The following INPP4B variants were observed in gnomAD, a reference collection of about 807,000 sequenced individuals.
INPP4B encodes inositol polyphosphate-4-phosphatase type II B.
Under a neutral mutation model 122.5 loss-of-function variants are expected in INPP4B, and 55 were observed. The observed-to-expected ratio is 0.45, with a 90% CI of 0.36 to 0.56. The LOEUF is 0.56. INPP4B is among the 20% of genes least tolerant of loss of function. The probability of loss-of-function intolerance (pLI) is 0.00; values close to 1 mark genes in which losing one functional copy is unlikely to be tolerated. For synonymous variants in INPP4B, 403 were observed against 388.7 expected (o/e 1.04, Z -0.43); for missense variants, 1,000 against 1,097.7 (o/e 0.91, Z 1.26).
chr4:142,035,464 A>G (rs1460072922), intron 25 of INPP4B, among the ~76,000 whole-genome samples: 2 of 152,152 alleles, frequency 1.3e-5, no homozygotes, highest in Non-Finnish European at 2.9e-5. Flanking sequence ...GATACTATTC[A>G]CCTAGAACCT....
chr4:142,174,909 G>C (rs10027089), intron 15 of INPP4B, among the ~76,000 whole-genome samples: 15,130 of 152,062 alleles, frequency 0.099, 1,104 homozygotes, highest in African/African-American at 0.2. Flanking sequence ...GGGATTACAG[G>C]CTTGAGGATT....
intron 2 of INPP4B, among the ~76,000 whole-genome samples, chr4:142,496,367 C>T (rs1218159412): frequency 1.3e-5 from 2 of 151,998 alleles, no homozygotes; most frequent in East Asian, 1.9e-4. Flanking sequence ...AGGAATAGTG[C>T]TGCTTTGAAC....
chr4:142,130,199 G>A (rs938333479), intron 18 of INPP4B, among the ~76,000 whole-genome samples: 1 of 152,202 alleles, frequency 6.6e-6, no homozygotes, highest in Non-Finnish European at 1.5e-5. Context: ...TGGACTGCAG[G>A]TAGTAGACAC....
chr4:142,104,413 C>G (rs895195511), intron 23 of INPP4B, among the ~76,000 whole-genome samples: 1 of 152,078 alleles, frequency 6.6e-6, no homozygotes, highest in Non-Finnish European at 1.5e-5. Flanking sequence ...TCAAGCCCAA[C>G]AGGAAGATTA....
Position 142,344,251 on chromosome 4 carries a change from C to T in INPP4B, c.373-29489G>A, listed in dbSNP as rs114627786. 9.4e-3 allele frequency among the ~76,000 whole-genome samples: 1,434 copies of T among 152,048 alleles called. 27 individuals carry two copies. The highest frequency in any genetic ancestry group is 0.032 in the African/African-American group (1,317 of 41,488). On this transcript the variant is annotated intron_variant, in intron 7 of 25. Coordinates refer to ENST00000262992, the MANE Select transcript of INPP4B (RefSeq NM_001101669.3). ...ATTAGTCTCCTTAGAAGCAGGGTGC[C>T]GTAGCCAGATGCAGGCTGTTAAACA... is the stretch of plus-strand genomic sequence containing the variant.
chr4:142,225,961 C>T (rs1370411079), intron 12 of INPP4B, among the ~76,000 whole-genome samples: 1 of 152,114 alleles, frequency 6.6e-6, no homozygotes, highest in African/African-American at 2.4e-5. Flanking sequence ...TATAACAAAA[C>T]ATTGTAGCTG....
intron 7 of INPP4B, among the ~76,000 whole-genome samples, chr4:142,329,068 A>G (rs1291844742): frequency 6.6e-6 from 1 of 152,234 alleles, no homozygotes; most frequent in Non-Finnish European, 1.5e-5. Context: ...TAAGTACAAG[A>G]GATATGGTCA....
chr4:142,279,159 TA>T (rs1750028287), intron 9 of INPP4B, among the ~76,000 whole-genome samples: 1 of 151,942 alleles, frequency 6.6e-6, no homozygotes, highest in Non-Finnish European at 1.5e-5. Flanking sequence ...AAGGTCTAAA[TA>T]AATAGACATA....
chr4:142,109,361 A>G (rs912548729), intron 22 of INPP4B, among the ~76,000 whole-genome samples: 1 of 152,162 alleles, frequency 6.6e-6, no homozygotes, highest in Non-Finnish European at 1.5e-5. Context: ...ACATTGCACC[A>G]TGCAATAAAT....
intron 3 of INPP4B, among the ~76,000 whole-genome samples, chr4:142,432,594 T>A (rs1480016500): frequency 6.6e-6 from 1 of 152,032 alleles, no homozygotes; most frequent in Non-Finnish European, 1.5e-5. Context: ...GCTTCCTAAT[T>A]TTTTTTACCA....
intron 1 of INPP4B, among the ~76,000 whole-genome samples, chr4:142,796,868 A>ATGTGTGTG (rs34860975): frequency 0.027 from 2,828 of 105,270 alleles, 114 homozygotes; most frequent in African/African-American, 0.076. Context: ...CGGAAAACAG[A>ATGTGTGTG]TGTGTGTGTG....
chr4:142,403,500 T>C (rs879417819), intron 6 of INPP4B, among the ~76,000 whole-genome samples: 1 of 152,232 alleles, frequency 6.6e-6, no homozygotes, highest in Non-Finnish European at 1.5e-5. Context: ...TTGAAAATCA[T>C]GCTCTGATAG....
chr4:142,245,098 TC>T (rs1270237082), intron 11 of INPP4B, among the ~76,000 whole-genome samples: 3 of 152,220 alleles, frequency 2.0e-5, no homozygotes. Flanking sequence ...TGTTTTAAGT[TC>T]CTTGTAGATT....
intron 15 of INPP4B, among the ~76,000 whole-genome samples, chr4:142,191,888 A>T (rs1835989316): frequency 6.6e-6 from 1 of 152,208 alleles, no homozygotes; most frequent in African/African-American, 2.4e-5. Flanking sequence ...AAAGGAAAAA[A>T]GAAAAATATA....
At chr4:142,138,142 T>C (rs1452663399) in intron 18 of INPP4B, among the ~76,000 whole-genome samples, 1 of 151,134 alleles carries the variant, frequency 6.6e-6, no homozygotes, top group Non-Finnish European at 1.5e-5. Context: ...AACCCAAATG[T>C]CCAACAATGA....
At chr4:142,774,104 T>C (rs1466540500) in intron 1 of INPP4B, among the ~76,000 whole-genome samples, 3 of 152,096 alleles carry the variant, frequency 2.0e-5, no homozygotes, top group Admixed American at 6.6e-5. Context: ...TTTTCTTTAA[T>C]CCTTTCCAAA....
At chr4:142,514,857 G>A (rs932718502) in intron 2 of INPP4B, among the ~76,000 whole-genome samples, 11 of 148,414 alleles carry the variant, frequency 7.4e-5, no homozygotes, top group African/African-American at 1.3e-4. Context: ...ATGCAGTGGC[G>A]CGATCCTGGC....
intron 1 of INPP4B, among the ~76,000 whole-genome samples, chr4:142,742,384 C>T (rs1433964887): frequency 6.6e-6 from 1 of 151,968 alleles, no homozygotes; most frequent in Non-Finnish European, 1.5e-5. Context: ...GTTTTTATTT[C>T]TGTTTTCATT....
chr4:142,794,976 A>G (rs1182182124), intron 1 of INPP4B, among the ~76,000 whole-genome samples: 1 of 151,910 alleles, frequency 6.6e-6, no homozygotes, highest in Non-Finnish European at 1.5e-5. Flanking sequence ...ATTCATGCAT[A>G]GGAGCATGCA....
Sources: allele counts gnomAD v4.1 joint callset (sites outside exome capture counted in the v4.1 genomes callset), GRCh38; gene constraint gnomAD v4.1.1; transcripts MANE v1.5; gene names NCBI Gene and HGNC (gene_info 2026-07-23, HGNC 2026-07-21).